AMPH: variants seen among roughly 807,000 people sequenced by gnomAD.
AMPH encodes the protein amphiphysin, also known as amphiphysin (Stiff-Mann syndrome with breast cancer 128kD autoantigen).
AMPH carries 49 observed loss-of-function variants against 99.1 expected under a neutral mutation model. The ratio of observed to expected loss-of-function variants is 0.49; its 90% CI spans 0.39 to 0.63. The LOEUF is 0.63. Ranked by LOEUF, AMPH falls within the 20% of genes least tolerant of loss-of-function variation. The pLI is 0.00. For missense variants in AMPH, 759 were observed against 863.4 expected, an observed-to-expected ratio of 0.88 and a Z score of 1.52; for synonymous variants, 314 against 317.3, an observed-to-expected ratio of 0.99 and a Z score of 0.11.
intron 1 of AMPH, among the ~76,000 whole-genome samples, chr7:38,553,144 T>C (rs1791237657): frequency 6.6e-6 from 1 of 152,228 alleles, no homozygotes; most frequent in South Asian, 2.1e-4. Flanking sequence ...TGACTTCTGA[T>C]CTCACTGGGA....
At chr7:38,512,913 T>A (rs940168372) in intron 2 of AMPH, among the ~76,000 whole-genome samples, 2 of 152,186 alleles carry the variant, frequency 1.3e-5, no homozygotes, top group African/African-American at 4.8e-5. Flanking sequence ...AGCAACACCC[T>A]ACAATTCCCA....
intron 17 of AMPH, among the ~76,000 whole-genome samples, chr7:38,417,425 G>A (rs972851190): frequency 3.9e-5 from 6 of 152,280 alleles, no homozygotes; most frequent in Middle Eastern, 3.4e-3. Context: ...ACCAACCTAT[G>A]AAACTAATAT....
intron 1 of AMPH, among the ~76,000 whole-genome samples, chr7:38,598,773 A>G (rs1793148761): frequency 6.6e-6 from 1 of 152,068 alleles, no homozygotes; most frequent in South Asian, 2.1e-4. Flanking sequence ...CAAAGAATTA[A>G]TTTGTACTTT....
At chr7:38,393,869 A>G in intron 18 of AMPH, 136 bp downstream of exon 18, 1 of 759,578 alleles carries the variant, frequency 1.3e-6, no homozygotes, top group South Asian at 1.7e-5. Context: ...TCTGATAATA[A>G]TGTTGTTTGG....
chr7:38,588,435 A>C (rs1792742721), intron 1 of AMPH, among the ~76,000 whole-genome samples: 1 of 152,174 alleles, frequency 6.6e-6, no homozygotes, highest in Non-Finnish European at 1.5e-5. Flanking sequence ...AAAGCTTCAG[A>C]ACACCAGGCA....
chr7:38,400,323 C>G (rs529646934), intron 17 of AMPH, among the ~76,000 whole-genome samples: 8 of 152,344 alleles, frequency 5.3e-5, no homozygotes, highest in Non-Finnish European at 8.8e-5. Flanking sequence ...GGCAATCCAC[C>G]TGCCTTGGCC....
intron 2 of AMPH, among the ~76,000 whole-genome samples, chr7:38,510,517 G>C (rs991931820): frequency 6.6e-6 from 1 of 152,152 alleles, no homozygotes; most frequent in African/African-American, 2.4e-5. Flanking sequence ...TCCAGGCATG[G>C]TTCTAAGTTT....
intron 1 of AMPH, among the ~76,000 whole-genome samples, chr7:38,580,319 C>G (rs554909049): frequency 6.6e-6 from 1 of 152,050 alleles, no homozygotes; most frequent in Non-Finnish European, 1.5e-5. Context: ...CATGTAAAAC[C>G]CTGCATTCTT....
At chr7:38,523,116 A>T (rs1349308998) in intron 2 of AMPH, among the ~76,000 whole-genome samples, 1 of 151,962 alleles carries the variant, frequency 6.6e-6, no homozygotes, top group Non-Finnish European at 1.5e-5. Flanking sequence ...CTAAAAAAAA[A>T]AAAAAAGAAG....
chr7:38,530,781 C>G (rs936761174), intron 2 of AMPH, among the ~76,000 whole-genome samples: 5 of 152,192 alleles, frequency 3.3e-5, no homozygotes, highest in African/African-American at 1.2e-4. Flanking sequence ...TCACACCAGT[C>G]AATTTTGCTA....
At chr7:38,574,752 C>T (rs1381894436) in intron 1 of AMPH, among the ~76,000 whole-genome samples, 6 of 151,994 alleles carry the variant, frequency 3.9e-5, no homozygotes, top group African/African-American at 1.4e-4. Flanking sequence ...AATACTATTA[C>T]CTTAATAAAA....
chr7:38,548,648 C>T (rs1791075847), intron 1 of AMPH, among the ~76,000 whole-genome samples: 1 of 152,084 alleles, frequency 6.6e-6, no homozygotes. Flanking sequence ...AAGAGAAAAG[C>T]TCTCTGCTGC....
chr7:38,426,862 C>T (rs1037653594), intron 15 of AMPH, 92 bp downstream of exon 15: 14 of 1,167,894 alleles, frequency 1.2e-5, no homozygotes, highest in Middle Eastern at 1.9e-4. Flanking sequence ...TTAATCATTA[C>T]GCTATACTAG....
rs780392713 is a variant in AMPH at position 38,391,771 on chromosome 7, A to C, written c.1855T>G (p.Leu619Val). 1 of 1,613,888 alleles carries C rather than the reference A, an allele frequency of 6.2e-7. No individual in the cohort carries two copies. Among genetic ancestry groups the C allele is most frequent in the Non-Finnish European group, 8.5e-7 (1 of 1,179,938 alleles). The change falls in exon 19 of 21, where the codon TTG (leucine) becomes GTG (valine). Residue 619 changes from leucine (L) to valine (V), a missense_variant. Physicochemically the swap from Leu to Val is conservative, Grantham distance 32 (BLOSUM62 1). Around this residue, in one of 2 missense-constraint regions of AMPH, gnomAD observed 554 missense variants for 575.6 expected, o/e 0.96. Coordinates refer to ENST00000356264, the MANE Select transcript of AMPH (RefSeq NM_001635.4). The part of the protein sequence containing the change: ...LASAREASQE[L>V]PPGFLYKVET... ...ACCTTGTAGAGAAAGCCAGGAGGCA[A>C]TTCCTGAGAGGCCTCCCTTGCAGAT...
intron 1 of AMPH, among the ~76,000 whole-genome samples, chr7:38,559,633 G>A (rs1006050264): frequency 6.6e-6 from 1 of 152,310 alleles, no homozygotes; most frequent in East Asian, 1.9e-4. Context: ...GGTGCTGCAT[G>A]CTTTATTTCA....
chr7:38,558,650 T>A (rs1367277852), intron 1 of AMPH, among the ~76,000 whole-genome samples: 3 of 152,198 alleles, frequency 2.0e-5, no homozygotes, highest in Admixed American at 2.0e-4. Context: ...TTTAATGGAA[T>A]GTTTGTTGGT....
intron 11 of AMPH, among the ~76,000 whole-genome samples, chr7:38,446,818 A>T (rs533714271): frequency 6.6e-5 from 10 of 152,206 alleles, no homozygotes; most frequent in Admixed American, 2.0e-4. Context: ...TAATAACATT[A>T]AAAAAAATCT....
At chr7:38,416,310 C>T (rs7784259) in intron 17 of AMPH, among the ~76,000 whole-genome samples, 3,453 of 151,924 alleles carry the variant, frequency 0.023, 113 homozygotes, top group African/African-American at 0.079. Flanking sequence ...AACATTCAGC[C>T]GTATTGAACA....
chr7:38,503,423 T>C (rs1349310217), intron 3 of AMPH, among the ~76,000 whole-genome samples: 4 of 150,202 alleles, frequency 2.7e-5, no homozygotes, highest in Non-Finnish European at 5.9e-5. Context: ...CATTTATTTC[T>C]AGTTTCCAGC....
Sources: gnomAD v4.1 joint callset for allele counts (sites outside exome capture counted in the v4.1 genomes callset) on GRCh38, gnomAD v4.1.1 for gene constraint, gnomAD v4.1.1 regional missense constraint, MANE v1.5 for transcripts, NCBI Gene and HGNC (gene_info 2026-07-23, HGNC 2026-07-21) for gene names.